The following CRELD1 variants were observed in gnomAD, a reference collection of about 807,000 sequenced individuals.
CRELD1 encodes CRELD disulfide isomerase 1.
Under a neutral mutation model 58.2 loss-of-function variants are expected in CRELD1, and 42 were observed. That is an observed-to-expected ratio of 0.72 (90% CI 0.56 to 0.93). The LOEUF (loss-of-function observed/expected upper bound fraction) is 0.93, where lower values mean the gene tolerates loss of function less well. Among genes scored for constraint, CRELD1 ranks in the 40% least tolerant of loss-of-function variants. The probability of loss-of-function intolerance (pLI) is 0.00; values close to 1 mark genes in which losing one functional copy is unlikely to be tolerated. For synonymous variants in CRELD1, 222 were observed against 202.0 expected (o/e 1.10, Z -0.84); for missense variants, 500 against 540.6 (o/e 0.92, Z 0.74).
At position 9,943,439 on chromosome 3, in the gene CRELD1, C is replaced by A. The variant is rs754728781; in HGVS notation, c.972C>A (p.Thr324=). 2.2e-5 allele frequency: 36 copies of A among 1,613,778 alleles called. No individual in the cohort carries two copies. The highest frequency in any genetic ancestry group is 3.1e-5 in the Non-Finnish European group (36 of 1,179,960). The change falls in exon 10 of 11, where the codon ACC becomes ACA. Residue 324 remains threonine, a synonymous_variant. Coordinates refer to ENST00000452070, the MANE Select transcript of CRELD1 (RefSeq NM_001077415.3). ...CPGENKQCEN[T]EGGYRCICAE... is the part of the protein sequence containing the mutation. Reference sequence around the variant, plus strand: ...GAGAGAACAAGCAGTGTGAAAACACCGAGGGCGGTTATCGCTGCATCTGTG... The same window carrying A: ...GAGAGAACAAGCAGTGTGAAAACACAGAGGGCGGTTATCGCTGCATCTGTG...
intron 2 of CRELD1, 66 bp from the exon 3 acceptor site, chr3:9,934,769 T>C: frequency 6.5e-7 from 1 of 1,533,998 alleles, no homozygotes; most frequent in African/African-American, 1.4e-5. Flanking sequence ...TCCTAGTCAG[T>C]AGAACAGTGA....
intron 5 of CRELD1, among the ~76,000 whole-genome samples, chr3:9,938,977 A>G (rs2085271984): frequency 6.6e-6 from 1 of 151,868 alleles, no homozygotes; most frequent in Non-Finnish European, 1.5e-5. Context: ...CCTGGGTAGT[A>G]GAGCAAGACC....
chr3:9,935,432 A>C (rs1314020912), intron 3 of CRELD1, among the ~76,000 whole-genome samples: 1 of 152,216 alleles, frequency 6.6e-6, no homozygotes, highest in East Asian at 1.9e-4. Context: ...GGCTATGAGC[A>C]GAAAAAGTGA....
chr3:9,936,622 T>C (rs1197792925), intron 3 of CRELD1, among the ~76,000 whole-genome samples: 1 of 152,106 alleles, frequency 6.6e-6, no homozygotes, highest in African/African-American at 2.4e-5. Context: ...AGACATTTAA[T>C]AATATTTACA....
intron 7 of CRELD1, 82 bp from the exon 8 acceptor site, chr3:9,942,731 C>G: frequency 9.2e-7 from 1 of 1,088,348 alleles, no homozygotes; most frequent in Non-Finnish European, 1.4e-6. Flanking sequence ...TAATCCCAGG[C>G]AAGACCATTC....
At chr3:9,938,265 A>G in intron 5 of CRELD1, 159 bp downstream of exon 5, 2 of 667,294 alleles carry the variant, frequency 3.0e-6, no homozygotes, top group East Asian at 2.7e-5. Flanking sequence ...GAGATGGGCA[A>G]ATCAGTGGGG....
chr3:9,943,167 G>T lies in CRELD1; in HGVS notation c.908G>T (p.Cys303Phe). ...SPGYQQVGSK[C>F]LDVDECETEV... ...GGCTATCAGCAGGTGGGCTCCAAGT[G>T]TCTCGGTGAGTCTCCTGCTGATGGG... Residue 303 changes from cysteine (C) to phenylalanine (F), a missense_variant, in exon 9 of 11, where the codon TGT becomes TTT. Cys to Phe is a radical substitution (Grantham distance 205). Transcript: ENST00000452070. The T allele has an allele frequency of 6.2e-7, 1 of 1,612,378 alleles. No individual in the cohort carries two copies.
At position 9,943,493 on chromosome 3, in the gene CRELD1, C is replaced by T. The variant is rs759172562; in HGVS notation, c.1026C>T (p.Ile342=). 2 of 1,614,100 alleles carry T rather than the reference C, an allele frequency of 1.2e-6. No homozygotes were observed. The highest frequency in any genetic ancestry group is 8.5e-7 in the Non-Finnish European group (1 of 1,180,018). The part of the protein sequence containing the change: ...CAEGYKQMEG[I]CVKEQIPESA... The stretch of plus-strand genomic sequence containing the variant: ...AGGGCTACAAGCAGATGGAAGGCAT[C>T]TGTGTGAAGGAGCAGATCCCAGGTG... The change falls in exon 10 of 11, where the codon ATC becomes ATT. Residue 342 remains isoleucine (I), a synonymous_variant. Transcript: ENST00000452070.
At position 9,937,655 on chromosome 3, in the gene CRELD1, G is replaced by C. The variant is rs1315128883; in HGVS notation, c.351G>C (p.Glu117Asp). The change falls in exon 4 of 11, where the codon GAG becomes GAC. Residue 117 changes from glutamate (E) to aspartate (D), a missense_variant. By Grantham distance (45) the Glu-to-Asp change is conservative. Transcript: ENST00000452070. ...RLLELSEELV[E>D]SWWFHKQQEA... Reference sequence around the variant, plus strand: ...TGGAGCTGAGTGAGGAGCTGGTGGAGAGCTGGTGGTTTCACAAGTGAGTGG... The same window carrying C: ...TGGAGCTGAGTGAGGAGCTGGTGGACAGCTGGTGGTTTCACAAGTGAGTGG... 3.1e-6 allele frequency: 5 copies of C among 1,608,306 alleles called. No homozygotes were observed. Among genetic ancestry groups the C allele is most frequent in the Non-Finnish European group, 3.4e-6 (4 of 1,177,974 alleles).
chr3:9,935,085 C>T (rs2085138040), intron 3 of CRELD1, 168 bp downstream of exon 3: 1 of 610,314 alleles, frequency 1.6e-6, no homozygotes, highest in Non-Finnish European at 2.9e-6. Flanking sequence ...CTTCCTGGAG[C>T]TCACATTCTA....
chr3:9,938,340 A>G, intron 5 of CRELD1: 2 of 538,682 alleles, frequency 3.7e-6, no homozygotes, highest in Non-Finnish European at 6.7e-6. Flanking sequence ...ATCATGTACT[A>G]AAGAAATGAT....
rs1283726273 is a variant in CRELD1, at chr3:9,934,513, A to G, written c.75A>G (p.Gly25=). ...WGLSLFLNLP[G]PIWLQPSPPP... is the part of the protein sequence containing the mutation. ...TCAGCCTCTTCCTCAACCTCCCAGG[A>G]CCTATCTGGCTCCAGCCCTCTCCAC... The change falls in exon 2 of 11, where the codon GGA becomes GGG. Residue 25 remains glycine, a synonymous_variant. Coordinates refer to ENST00000452070, the MANE Select transcript of CRELD1 (RefSeq NM_001077415.3). 1 of 1,613,498 alleles carries G rather than the reference A, an allele frequency of 6.2e-7. No individual in the cohort carries two copies. The highest frequency in any genetic ancestry group is 8.5e-7 in the Non-Finnish European group (1 of 1,179,882).
intron 10 of CRELD1, chr3:9,943,798 C>T (rs2085438768): frequency 6.2e-7 from 1 of 1,610,742 alleles, no homozygotes; most frequent in Non-Finnish European, 8.5e-7. Context: ...CCCTGGCCTG[C>T]TGAGAGCTGT....
rs369173517 is a variant in CRELD1, at chr3:9,944,973, A to C, written c.*394A>C. On this transcript the variant is annotated 3_prime_UTR_variant, in exon 11 of 11. Coordinates refer to ENST00000452070, the MANE Select transcript of CRELD1 (RefSeq NM_001077415.3). ...TGTTCTGTGTTCACCACATCCCCAC[A>C]CCCCATTGCCACTTATTTATTCATC... 2.2e-4 allele frequency: 63 copies of C among 288,972 alleles called. 1 individual carries two copies. Among genetic ancestry groups the C allele is most frequent in the Middle Eastern group, 1.2e-3 (1 of 820 alleles). 17.9% of individuals were successfully genotyped at this position (288,972 alleles called of 1,614,324 possible). A position where few individuals can be genotyped will look rare whatever the true frequency, so the allele number is the denominator to read the frequency against.
At chr3:9,937,000 A>T (rs1026093005) in intron 3 of CRELD1, among the ~76,000 whole-genome samples, 1 of 152,224 alleles carries the variant, frequency 6.6e-6, no homozygotes, top group Non-Finnish European at 1.5e-5. Flanking sequence ...GGCTGTTGTG[A>T]ATAGTGCTGC....
chr3:9,942,457 C>T (rs960811616), intron 7 of CRELD1, among the ~76,000 whole-genome samples: 5 of 152,074 alleles, frequency 3.3e-5, no homozygotes, highest in Non-Finnish European at 7.4e-5. Flanking sequence ...GAAGCTGAGT[C>T]CTGGGCATCT....
rs1329154370 is a variant in CRELD1, at chr3:9,938,064, A to C, written c.418A>C (p.Lys140Gln). The change falls in exon 5 of 11, where the codon AAG becomes CAG. Residue 140 changes from lysine (K) to glutamine (Q), a missense_variant. Physicochemically the swap from Lys to Gln is moderately conservative, Grantham distance 53. Coordinates refer to ENST00000452070, the MANE Select transcript of CRELD1 (RefSeq NM_001077415.3). ...CCAGTGGCTGTGCTCAGATTCCCTG[A>C]AGCTCTGCTGCCCCGCAGGCACCTT... The part of the protein sequence containing the change: ...LFQWLCSDSL[K>Q]LCCPAGTFGP... 1 of 1,613,972 alleles carries C rather than the reference A, an allele frequency of 6.2e-7. No individual in the cohort carries two copies. The highest frequency in any genetic ancestry group is 2.2e-5 in the East Asian group (1 of 44,882).
At chr3:9,943,337 G>A in intron 9 of CRELD1, 44 bp from the exon 10 acceptor site, 1 of 1,613,614 alleles carries the variant, frequency 6.2e-7, no homozygotes, top group South Asian at 1.1e-5. Context: ...CAGGGTGCTG[G>A]GTGGGGGGCC....
intron 1 of CRELD1, 38 bp downstream of exon 1, chr3:9,933,958 T>C (rs1041058894): frequency 1.2e-5 from 4 of 341,016 alleles, no homozygotes; most frequent in African/African-American, 4.4e-5. Flanking sequence ...GGCCGTGCCT[T>C]TGCCCTTCTG....
Sources: gnomAD v4.1 joint callset for allele counts (sites outside exome capture counted in the v4.1 genomes callset) on GRCh38, gnomAD v4.1.1 for gene constraint, MANE v1.5 for transcripts, NCBI Gene and HGNC (gene_info 2026-07-23, HGNC 2026-07-21) for gene names.